Variants in PBLD observed in about 807,000 individuals in gnomAD.
PBLD encodes phenazine biosynthesis-like domain-containing protein.
In PBLD, 26 loss-of-function variants were observed where a neutral mutation model predicts 31.3. The observed-to-expected ratio is 0.83, with a 90% CI of 0.61 to 1.15. The LOEUF is 1.15. PBLD is among the 50% of genes most tolerant of loss of function. The pLI is 0.00. For missense variants in PBLD, 307 were observed against 351.7 expected (o/e 0.87, Z 1.02); for synonymous variants, 114 against 129.0 (o/e 0.88, Z 0.79).
chr10:68,300,135 C>A (rs185138365), intron 2 of PBLD, among the ~76,000 whole-genome samples: 129 of 152,194 alleles, frequency 8.5e-4, no homozygotes, highest in Non-Finnish European at 1.5e-3. Flanking sequence ...AGGCAATGCG[C>A]CCATATTGGC....
chr10:68,299,922 G>A (rs960383091), intron 2 of PBLD, among the ~76,000 whole-genome samples: 34 of 151,712 alleles, frequency 2.2e-4, no homozygotes, highest in African/African-American at 6.0e-4. Flanking sequence ...ACAGAGTCTC[G>A]CTCTGTCACC....
chr10:68,308,468 C>T (rs754815205), intron 1 of PBLD, among the ~76,000 whole-genome samples: 39 of 151,342 alleles, frequency 2.6e-4, no homozygotes, highest in Non-Finnish European at 4.4e-4. Context: ...CCAATTTAGA[C>T]AGTATATGAG....
rs748009381 is a variant in PBLD, at chr10:68,292,235, T to C, written c.287A>G (p.Asn96Ser). The C allele has an allele frequency of 1.2e-6, 2 of 1,612,168 alleles. No individual in the cohort carries two copies. Among genetic ancestry groups the C allele is most frequent in the Non-Finnish European group, 1.7e-6 (2 of 1,179,312 alleles). The change falls in exon 5 of 10, where the codon AAC becomes AGC. Residue 96 changes from asparagine (N) to serine (S), a missense_variant. Physicochemically the swap from Asn to Ser is conservative, Grantham distance 46. Transcript: ENST00000358769. ...SAAVLFHKIK[N>S]MNSTLTFVTL... ...GACAAACGTGAGCGTGCTATTCATG[T>C]TTTCTGGCCAAAATAGGAATCAAGA... is the stretch of plus-strand genomic sequence containing the variant.
At chr10:68,286,807 C>T (rs368783018) in intron 8 of PBLD, among the ~76,000 whole-genome samples, 121 of 151,894 alleles carry the variant, frequency 8.0e-4, no homozygotes, top group African/African-American at 2.6e-3. Context: ...AAATATTTTG[C>T]GAAGAAAAAG....
At chr10:68,288,461 C>G (rs1207216670) in intron 8 of PBLD, 22 bp downstream of exon 8, 1 of 1,610,406 alleles carries the variant, frequency 6.2e-7, no homozygotes, top group South Asian at 1.1e-5. Flanking sequence ...TTAACCCTCC[C>G]CTGGGCTCAA....
At chr10:68,306,398 G>C (rs2134475381) in intron 2 of PBLD, among the ~76,000 whole-genome samples, 1 of 152,290 alleles carries the variant, frequency 6.6e-6, no homozygotes, top group Non-Finnish European at 1.5e-5. Flanking sequence ...GATCTGTTAT[G>C]CTCAATGTGA....
chr10:68,290,520 C>A (rs1390786570), intron 6 of PBLD, among the ~76,000 whole-genome samples: 1 of 152,134 alleles, frequency 6.6e-6, no homozygotes, highest in East Asian at 1.9e-4. Context: ...GAGTTCGAGA[C>A]CAGCCTGACC....
chr10:68,285,347 C>A lies in PBLD; in HGVS notation c.754+1G>T. ...AAGAAATTGGTAAAGAGCTGTCCTACCATGCATTTCTTTCTTCCCCAGATG... is the reference window on the plus strand; with the variant it reads ...AAGAAATTGGTAAAGAGCTGTCCTAACATGCATTTCTTTCTTCCCCAGATG... On this transcript the variant is annotated splice_donor_variant, in intron 9 of 9. Transcript: ENST00000358769. LOFTEE classifies it high-confidence loss of function. 6.2e-7 allele frequency: 1 copy of A among 1,614,034 alleles called. No homozygotes were observed. Among genetic ancestry groups the A allele is most frequent in the Non-Finnish European group, 8.5e-7 (1 of 1,179,956 alleles).
rs115408367 is a variant in PBLD, at chr10:68,308,453, G to C, written c.-59-1550C>G. On this transcript the variant is annotated intron_variant, in intron 1 of 9. Transcript: ENST00000358769. ...ACAGTTAAATTTATCTGCAGAAAAA[G>C]TATACCAATTTAGACAGTATATGAG... is the stretch of plus-strand genomic sequence containing the variant. Among the ~76,000 whole-genome samples, 344 of 152,286 alleles carry C rather than the reference G, an allele frequency of 2.3e-3. 2 individuals carry two copies. Among genetic ancestry groups the C allele is most frequent in the African/African-American group, 7.9e-3 (328 of 41,554 alleles).
At chr10:68,319,100 A>G (rs993092321) in intron 1 of PBLD, among the ~76,000 whole-genome samples, 25 of 133,936 alleles carry the variant, frequency 1.9e-4, no homozygotes, top group Admixed American at 7.7e-5. Flanking sequence ...AGAAAGAAAG[A>G]AAGAAAGAAA....
intron 6 of PBLD, among the ~76,000 whole-genome samples, chr10:68,289,434 A>G (rs2134427633): frequency 6.6e-6 from 1 of 152,158 alleles, no homozygotes; most frequent in Non-Finnish European, 1.5e-5. Context: ...GGCTGAGGCA[A>G]GAGAATCACT....
At chr10:68,329,265 G>C (rs182435276) in intron 1 of PBLD, among the ~76,000 whole-genome samples, 47 of 152,264 alleles carry the variant, frequency 3.1e-4, no homozygotes, top group Non-Finnish European at 5.6e-4. Context: ...AGTCCTTCCT[G>C]AGTATGCACA....
At chr10:68,300,047 T>C (rs1050205777) in intron 2 of PBLD, among the ~76,000 whole-genome samples, 1 of 151,992 alleles carries the variant, frequency 6.6e-6, no homozygotes, top group East Asian at 2.0e-4. Flanking sequence ...CAGACCACCA[T>C]GCCCAGCTAA....
intron 8 of PBLD, chr10:68,288,212 C>G: frequency 2.2e-6 from 1 of 446,772 alleles, no homozygotes; most frequent in Non-Finnish European, 4.0e-6. Context: ...TTTTAAAAGT[C>G]AAGTCACTTG....
chr10:68,300,317 T>C (rs2044488958), intron 2 of PBLD, among the ~76,000 whole-genome samples: 1 of 152,156 alleles, frequency 6.6e-6, no homozygotes, highest in Non-Finnish European at 1.5e-5. Flanking sequence ...AGTCATGCTT[T>C]AACTAGCCAC....
chr10:68,331,295 C>A (rs2045073435), intron 1 of PBLD: 1 of 152,196 alleles, frequency 6.6e-6, no homozygotes, highest in African/African-American at 2.4e-5. Context: ...TAAAAAAAAC[C>A]CAACGTCGGC....
chr10:68,284,311 A>G (rs1214092330), intron 9 of PBLD, 22 bp from the exon 10 acceptor site: 23 of 1,577,242 alleles, frequency 1.5e-5, no homozygotes, highest in Non-Finnish European at 1.8e-5. Flanking sequence ...AAACAGGTCA[A>G]ATTAAGAGTA....
At chr10:68,314,271 C>G (rs2044706879) in intron 1 of PBLD, among the ~76,000 whole-genome samples, 1 of 152,170 alleles carries the variant, frequency 6.6e-6, no homozygotes, top group Non-Finnish European at 1.5e-5. Context: ...ACCACCACAC[C>G]TAGCCTAAAT....
rs2044258989 is a variant in PBLD at position 68,284,188 on chromosome 10, G to T, written c.856C>A (p.Leu286Met). Residue 286 changes from leucine (L) to methionine (M), a missense_variant, in exon 10 of 10, where the codon CTG becomes ATG. Coordinates refer to ENST00000358769, the MANE Select transcript of PBLD (RefSeq NM_022129.4). Reference protein sequence around the residue: ...GGAAVVLEGTLTA With the variant: ...GGAAVVLEGTMTA ...CAGCATAACCACCTCTAGGCTGTCA[G>T]TGTGCCCTCTAAAACAACAGCTGCA... The T allele has an allele frequency of 6.2e-7, 1 of 1,613,684 alleles. No homozygotes were observed. The highest frequency in any genetic ancestry group is 1.3e-5 in the African/African-American group (1 of 74,884).
Sources: allele counts gnomAD v4.1 joint callset (sites outside exome capture counted in the v4.1 genomes callset), GRCh38; gene constraint gnomAD v4.1.1; transcripts MANE v1.5; gene names NCBI Gene and HGNC (gene_info 2026-07-23, HGNC 2026-07-21).